Variants in RASGRP1 observed in about 807,000 individuals in gnomAD.
RASGRP1 encodes the protein RAS guanyl-releasing protein 1.
RASGRP1 carries 37 observed loss-of-function variants against 95.1 expected under a neutral mutation model. The ratio of observed to expected loss-of-function variants is 0.39; its 90% CI spans 0.30 to 0.51. The LOEUF is 0.51. Among genes scored for constraint, RASGRP1 ranks in the 20% least tolerant of loss-of-function variants. The pLI is 0.80. For synonymous variants in RASGRP1, 325 were observed against 353.4 expected, an observed-to-expected ratio of 0.92 and a Z score of 0.90; for missense variants, 711 against 965.4, an observed-to-expected ratio of 0.74 and a Z score of 3.49.
chr15:38,531,332 G>A (rs1007573095), intron 2 of RASGRP1, among the ~76,000 whole-genome samples: 7 of 152,168 alleles, frequency 4.6e-5, no homozygotes, highest in African/African-American at 7.2e-5. Flanking sequence ...ATCACCATTC[G>A]TCAGGATAAG....
At chr15:38,528,691 A>T (rs900807039) in intron 2 of RASGRP1, among the ~76,000 whole-genome samples, 1 of 152,142 alleles carries the variant, frequency 6.6e-6, no homozygotes, top group African/African-American at 2.4e-5. Flanking sequence ...CAGTTTTTAA[A>T]ATTTAAAACT....
rs201146239 is a variant in RASGRP1, at chr15:38,499,303, CTT to C, written c.1721-359_1721-358del. ...TTTCTTGCAGTAAAAGGTTTCCTCT[CTT>C]TCACTCCTGAATTCTCCTAGTCACA... On this transcript the variant is annotated intron_variant, in intron 14 of 16. Coordinates refer to ENST00000310803, the MANE Select transcript of RASGRP1 (RefSeq NM_005739.4). 648 of 380,418 alleles carry C rather than the reference CTT, an allele frequency of 1.7e-3. 6 individuals are homozygous for C. Among genetic ancestry groups the C allele is most frequent in the African/African-American group, 0.013 (605 of 47,802 alleles). The allele number at this position is 380,418 out of a possible 1,614,324, so 23.6% of individuals were successfully genotyped here. A position where few individuals can be genotyped will look rare whatever the true frequency, so the allele number is the denominator to read the frequency against.
chr15:38,511,474 C>T (rs1231527191), intron 8 of RASGRP1, 130 bp downstream of exon 8: 5 of 665,110 alleles, frequency 7.5e-6, no homozygotes, highest in Non-Finnish European at 1.1e-5. Context: ...GTTTGCCTCC[C>T]TGCCACTTAG....
chr15:38,500,347 TG>T (rs371200113), intron 13 of RASGRP1, among the ~76,000 whole-genome samples: 88 of 150,598 alleles, frequency 5.8e-4, no homozygotes, highest in East Asian at 4.9e-3. Context: ...AGGTTTTTTT[TG>T]TTTTGTTTTT....
At chr15:38,553,578 C>G (rs1882363365) in intron 2 of RASGRP1, among the ~76,000 whole-genome samples, 1 of 152,166 alleles carries the variant, frequency 6.6e-6, no homozygotes, top group Non-Finnish European at 1.5e-5. Context: ...CTCCCAGCAC[C>G]ATAGGAAACT....
intron 3 of RASGRP1, among the ~76,000 whole-genome samples, chr15:38,519,813 C>T (rs1270093229): frequency 2.0e-5 from 3 of 150,308 alleles, no homozygotes; most frequent in Admixed American, 6.7e-5. Context: ...TTAACTGATA[C>T]ACATGTATGC....
intron 2 of RASGRP1, among the ~76,000 whole-genome samples, chr15:38,542,395 C>T (rs1892902892): frequency 6.6e-6 from 1 of 151,916 alleles, no homozygotes; most frequent in African/African-American, 2.4e-5. Context: ...ATTCCAAGGC[C>T]TTACCTAATA....
chr15:38,558,619 C>T (rs1207717075), intron 2 of RASGRP1, among the ~76,000 whole-genome samples: 2 of 152,118 alleles, frequency 1.3e-5, no homozygotes, highest in African/African-American at 2.4e-5. Flanking sequence ...GGGGTTGGGG[C>T]CCAGCAATGT....
chr15:38,502,534 C>T (rs551549178), intron 11 of RASGRP1, 113 bp from the exon 12 acceptor site: 43 of 654,946 alleles, frequency 6.6e-5, no homozygotes, highest in Middle Eastern at 2.5e-4. Context: ...ACAACCTGAA[C>T]GAGAGGAACA....
chr15:38,535,388 C>T (rs1892606472), intron 2 of RASGRP1, among the ~76,000 whole-genome samples: 1 of 152,186 alleles, frequency 6.6e-6, no homozygotes, highest in African/African-American at 2.4e-5. Context: ...CCCCAACAGA[C>T]CCACCCAGCC....
intron 2 of RASGRP1, among the ~76,000 whole-genome samples, chr15:38,549,056 G>C (rs1893222709): frequency 6.6e-6 from 1 of 152,182 alleles, no homozygotes; most frequent in African/African-American, 2.4e-5. Context: ...AATAAACGAA[G>C]ACTGAGTCCA....
intron 2 of RASGRP1, among the ~76,000 whole-genome samples, chr15:38,530,097 A>G (rs552125885): frequency 1.3e-5 from 2 of 152,312 alleles, no homozygotes; most frequent in Admixed American, 1.3e-4. Context: ...TCAGTGCCTT[A>G]AAACAGTAAT....
intron 6 of RASGRP1, among the ~76,000 whole-genome samples, chr15:38,514,658 C>T (rs1361734953): frequency 2.0e-5 from 3 of 152,182 alleles, no homozygotes; most frequent in Non-Finnish European, 4.4e-5. Flanking sequence ...GACCAAGCCA[C>T]TCAAAAGAAA....
At chr15:38,524,845 T>C (rs1206406953) in intron 3 of RASGRP1, among the ~76,000 whole-genome samples, 1 of 151,262 alleles carries the variant, frequency 6.6e-6, no homozygotes, top group South Asian at 2.1e-4. Context: ...GGAGGGGTGA[T>C]AGCTGGTGGA....
intron 2 of RASGRP1, among the ~76,000 whole-genome samples, chr15:38,543,936 C>G (rs917930222): frequency 1.3e-5 from 2 of 151,874 alleles, no homozygotes; most frequent in Non-Finnish European, 2.9e-5. Flanking sequence ...TCACATTTTC[C>G]TGCTTCTTTT....
intron 2 of RASGRP1, among the ~76,000 whole-genome samples, chr15:38,533,619 T>A (rs1892529404): frequency 6.6e-6 from 1 of 152,144 alleles, no homozygotes; most frequent in African/African-American, 2.4e-5. Flanking sequence ...TTGTATACCG[T>A]CTATGACCTG....
Position 38,494,243 on chromosome 15 carries a change from C to A in RASGRP1, c.2259+139G>T, listed in dbSNP as rs967745800. ...TCTCTTCCTCCCTGTTTCTCCCTCC[C>A]TGTTTCTCCCCTCCTCCTTTTTTGT... On this transcript the variant is annotated intron_variant, in intron 16 of 16. Coordinates refer to ENST00000310803, the MANE Select transcript of RASGRP1 (RefSeq NM_005739.4). 10 of 1,124,354 alleles carry A rather than the reference C, an allele frequency of 8.9e-6. No individual in the cohort carries two copies. In the African/African-American group the frequency reaches 1.4e-4, roughly 16 times the overall value. The allele number at this position is 1,124,354 out of a possible 1,614,324, so 69.6% of individuals were successfully genotyped here.
At chr15:38,501,428 C>A in intron 12 of RASGRP1, 141 bp from the exon 13 acceptor site, 1 of 954,028 alleles carries the variant, frequency 1.0e-6, no homozygotes, top group Non-Finnish European at 1.6e-6. Context: ...TGATTACTTC[C>A]ATGGGCCCTA....
Position 38,559,928 on chromosome 15 carries a change from T to C in RASGRP1, c.113A>G (p.His38Arg), listed in dbSNP as rs1566940584. ...AKPANSPFPS[H>R]PSLAHITQFR... is the part of the protein sequence containing the mutation. ...CTGGGTGATGTGGGCCAAGCTGGGATGGGAGGGGAAGGGGCTGTTGGCTGG... is the reference window on the plus strand; with the variant it reads ...CTGGGTGATGTGGGCCAAGCTGGGACGGGAGGGGAAGGGGCTGTTGGCTGG... Residue 38 changes from histidine to arginine, a missense_variant, in exon 2 of 17, where the codon CAT (histidine) becomes CGT (arginine). By Grantham distance (29) the His-to-Arg change is conservative (BLOSUM62 0). Coordinates refer to ENST00000310803, the MANE Select transcript of RASGRP1 (RefSeq NM_005739.4). 6.2e-7 allele frequency: 1 copy of C among 1,613,658 alleles called. No individual in the cohort carries two copies. The highest frequency in any genetic ancestry group is 8.5e-7 in the Non-Finnish European group (1 of 1,179,692).
Sources: allele counts gnomAD v4.1 joint callset (sites outside exome capture counted in the v4.1 genomes callset), GRCh38; gene constraint gnomAD v4.1.1; transcripts MANE v1.5; gene names NCBI Gene and HGNC (gene_info 2026-07-23, HGNC 2026-07-21).